Variants in C7orf78 observed in about 807,000 individuals in gnomAD.
C7orf78 encodes chromosome 7 open reading frame 78, also known as putative uncharacterized protein C7orf78.
the C7orf78 span, among the ~76,000 whole-genome samples, chr7:12,490,838 G>A: frequency 5.3e-5 from 8 of 151,988 alleles, no homozygotes; most frequent in Admixed American, 5.2e-4. Context: ...TTCTCAGGAT[G>A]TAATTGGAAG....
chr7:12,507,071 C>G, the C7orf78 span: 2 of 362,914 alleles, frequency 5.5e-6, no homozygotes, highest in Non-Finnish European at 1.1e-5. Flanking sequence ...GAGGCCGAGA[C>G]GGGCGGATCA....
chr7:12,538,190 T>C, the C7orf78 span: 1 of 152,210 alleles, frequency 6.6e-6, no homozygotes, highest in African/African-American at 2.4e-5. Flanking sequence ...GGAGATTCTT[T>C]GCAATTGTTT....
the C7orf78 span, among the ~76,000 whole-genome samples, chr7:12,488,812 G>GTA: frequency 6.6e-6 from 1 of 151,872 alleles, no homozygotes; most frequent in Admixed American, 6.6e-5. Flanking sequence ...GGTAGCTGTT[G>GTA]TAAGAAAGTG....
At chr7:12,498,987 C>T in the C7orf78 span, among the ~76,000 whole-genome samples, 1 of 151,820 alleles carries the variant, frequency 6.6e-6, no homozygotes, top group South Asian at 2.1e-4. Context: ...CCAAACTAAG[C>T]TTCATAAGTG....
At chr7:12,503,251 A>AT in the C7orf78 span, among the ~76,000 whole-genome samples, 18 of 150,370 alleles carry the variant, frequency 1.2e-4, no homozygotes, top group African/African-American at 4.5e-4. Flanking sequence ...AAATAAATAA[A>AT]AGAAGGAAAC....
the C7orf78 span, among the ~76,000 whole-genome samples, chr7:12,516,261 G>A: frequency 6.6e-6 from 1 of 152,252 alleles, no homozygotes; most frequent in Admixed American, 6.5e-5. Context: ...AATGGCTTCA[G>A]AGGGTGCAAG....
the C7orf78 span, among the ~76,000 whole-genome samples, chr7:12,510,175 G>T: frequency 4.3e-5 from 1 of 23,076 alleles, no homozygotes; most frequent in Non-Finnish European, 1.1e-4. Context: ...CTAATTTTGG[G>T]AGGGTGGGGG....
chr7:12,534,657 A>G, the C7orf78 span, among the ~76,000 whole-genome samples: 1 of 152,188 alleles, frequency 6.6e-6, no homozygotes, highest in African/African-American at 2.4e-5. Flanking sequence ...ATGTAATCCA[A>G]TGGAAAATAA....
chr7:12,524,625 A>G, the C7orf78 span, among the ~76,000 whole-genome samples: 1 of 152,040 alleles, frequency 6.6e-6, no homozygotes, highest in African/African-American at 2.4e-5. Flanking sequence ...TGGGAGGATC[A>G]TGAGGTCAGG....
the C7orf78 span, among the ~76,000 whole-genome samples, chr7:12,516,530 A>G: frequency 6.6e-6 from 1 of 152,202 alleles, no homozygotes; most frequent in Admixed American, 6.5e-5. Context: ...GAGTGATACC[A>G]TCCTCCAGAT....
the C7orf78 span, among the ~76,000 whole-genome samples, chr7:12,519,605 G>A: frequency 1.2e-4 from 19 of 152,184 alleles, no homozygotes; most frequent in Non-Finnish European, 2.5e-4. Flanking sequence ...AGTTAGAGGT[G>A]GAGTCACTTA....
At chr7:12,521,922 G>C in the C7orf78 span, among the ~76,000 whole-genome samples, 1 of 151,430 alleles carries the variant, frequency 6.6e-6, no homozygotes, top group East Asian at 1.9e-4. Flanking sequence ...CATGCTTCTT[G>C]TTTTTCTCTC....
chr7:12,517,139 C>T, the C7orf78 span, among the ~76,000 whole-genome samples: 28,448 of 151,900 alleles, frequency 0.19, 2,810 homozygotes, highest in East Asian at 0.32. Context: ...ATGGGAGGGA[C>T]TCGGTGGAAG....
At chr7:12,541,299 T>G in the C7orf78 span, 1 of 152,204 alleles carries the variant, frequency 6.6e-6, no homozygotes, top group Non-Finnish European at 1.5e-5. Context: ...ACCACCATGT[T>G]TCTCTAAGGC....
the C7orf78 span, among the ~76,000 whole-genome samples, chr7:12,495,481 T>C: frequency 3.0e-4 from 45 of 152,342 alleles, no homozygotes; most frequent in African/African-American, 8.4e-4. Flanking sequence ...TATGTTATTT[T>C]ACTATCCTCT....
the C7orf78 span, among the ~76,000 whole-genome samples, chr7:12,534,898 G>A: frequency 1.3e-5 from 2 of 151,842 alleles, no homozygotes; most frequent in Non-Finnish European, 2.9e-5. Flanking sequence ...AGGCTGCAGT[G>A]TTCTCTCCAC....
At chr7:12,536,244 G>A in the C7orf78 span, among the ~76,000 whole-genome samples, 17 of 152,160 alleles carry the variant, frequency 1.1e-4, no homozygotes, top group Admixed American at 3.3e-4. Flanking sequence ...AAATCTAGTC[G>A]GAGGCTCCCA....
At chr7:12,502,585 A>C in the C7orf78 span, among the ~76,000 whole-genome samples, 5 of 150,988 alleles carry the variant, frequency 3.3e-5, no homozygotes, top group African/African-American at 1.2e-4. Flanking sequence ...AGGAAACAAC[A>C]GGTGCTGGAG....
At chr7:12,519,952 C>T in the C7orf78 span, among the ~76,000 whole-genome samples, 11 of 152,178 alleles carry the variant, frequency 7.2e-5, no homozygotes, top group African/African-American at 2.7e-4. Context: ...GTGTGTGTGA[C>T]CCAGTGCATT....
Sources: gnomAD v4.1 joint callset for allele counts (sites outside exome capture counted in the v4.1 genomes callset) on GRCh38, gnomAD v4.1.1 for gene constraint, MANE v1.5 for transcripts, NCBI Gene and HGNC (gene_info 2026-07-23, HGNC 2026-07-21) for gene names.